Variants in CYP2C19 observed in about 807,000 individuals in gnomAD.
The protein encoded by CYP2C19 is cytochrome P450 2C19.
CYP2C19 carries 59 observed loss-of-function variants against 40.9 expected under a neutral mutation model. The ratio of observed to expected loss-of-function variants is 1.44; its 90% CI spans 1.17 to 1.79. CYP2C19 has a LOEUF of 1.79. Among genes scored for constraint, CYP2C19 ranks in the 40% most tolerant of loss-of-function variants. CYP2C19 has a pLI of 0.00. For synonymous variants in CYP2C19, 253 were observed against 208.7 expected (o/e 1.21, Z -1.83); for missense variants, 754 against 596.9 (o/e 1.26, Z -2.74).
chr10:94,777,298 C>A (rs1308685117), intron 3 of CYP2C19, among the ~76,000 whole-genome samples: 1 of 152,146 alleles, frequency 6.6e-6, no homozygotes, highest in Non-Finnish European at 1.5e-5. Context: ...CTAGAAAAAA[C>A]TACTTTAAAT....
At chr10:94,818,715 G>A (rs2134266589) in intron 5 of CYP2C19, among the ~76,000 whole-genome samples, 1 of 149,670 alleles carries the variant, frequency 6.7e-6, no homozygotes, top group African/African-American at 2.5e-5. Flanking sequence ...GTATAAGAAT[G>A]CTTGTGATTT....
chr10:94,783,755 C>G (rs1564663912), intron 5 of CYP2C19, among the ~76,000 whole-genome samples: 1 of 151,954 alleles, frequency 6.6e-6, no homozygotes, highest in Non-Finnish European at 1.5e-5. Context: ...TTTTGTTGTT[C>G]TTTTTCAATA....
intron 5 of CYP2C19, among the ~76,000 whole-genome samples, chr10:94,783,533 G>C (rs903674365): frequency 6.6e-6 from 1 of 152,080 alleles, no homozygotes; most frequent in Non-Finnish European, 1.5e-5. Flanking sequence ...CACCATTTTT[G>C]AAGAGGCTAT....
At chr10:94,781,479 C>T (rs1848477772) in intron 4 of CYP2C19, among the ~76,000 whole-genome samples, 1 of 152,000 alleles carries the variant, frequency 6.6e-6, no homozygotes, top group South Asian at 2.1e-4. Flanking sequence ...GCTATCATCT[C>T]CAAAATGTTA....
At chr10:94,840,673 A>G (rs1849480569) in intron 6 of CYP2C19, among the ~76,000 whole-genome samples, 1 of 152,168 alleles carries the variant, frequency 6.6e-6, no homozygotes, top group African/African-American at 2.4e-5. Flanking sequence ...GTGAGTAGAG[A>G]CTTCTGGCTG....
rs1489211981 is a variant in CYP2C19, at chr10:94,852,883, C to T, written c.1442C>T (p.Pro481Leu). Residue 481 changes from proline (P) to leucine (L), a missense_variant, in exon 9 of 9, where the codon CCC becomes CTC. Transcript: ENST00000371321. Reference sequence around the variant, plus strand: ...GTCAATGGATTTGCTTCTGTCCCGCCCTTCTATCAGCTGTGCTTCATTCCT... The same window carrying T: ...GTCAATGGATTTGCTTCTGTCCCGCTCTTCTATCAGCTGTGCTTCATTCCT... ...PVVNGFASVP[P>L]FYQLCFIPV is the part of the protein sequence containing the mutation. The T allele has an allele frequency of 1.9e-6, 3 of 1,614,008 alleles. No homozygotes were observed. The highest frequency in any genetic ancestry group is 1.1e-5 in the South Asian group (1 of 91,076).
chr10:94,853,668 C>T lies in CYP2C19; in HGVS notation c.*754C>T, dbSNP rs150921324. On this transcript the variant is annotated 3_prime_UTR_variant, in exon 9 of 9. Transcript: ENST00000371321. ...TCAAGAGATTCTCCTGCCTCAGCCT[C>T]CTGAGTAGCTGGGATTACAGACACG... is the stretch of plus-strand genomic sequence containing the variant. Among the ~76,000 whole-genome samples, 89 of 151,696 alleles carry T rather than the reference C, an allele frequency of 5.9e-4. No homozygotes were observed. The East Asian group carries it at 7.4e-3, about 13-fold the overall frequency.
At chr10:94,826,566 G>T (rs566054687) in intron 6 of CYP2C19, among the ~76,000 whole-genome samples, 1 of 152,160 alleles carries the variant, frequency 6.6e-6, no homozygotes, top group Admixed American at 6.6e-5. Flanking sequence ...GGGCTGAGAT[G>T]ATGGGGTTTT....
At chr10:94,840,807 A>G (rs957767814) in intron 6 of CYP2C19, among the ~76,000 whole-genome samples, 1 of 152,006 alleles carries the variant, frequency 6.6e-6, no homozygotes, top group African/African-American at 2.4e-5. Context: ...AACATTCCCA[A>G]TAGAAGGGTT....
rs893771779 is a variant in CYP2C19, at chr10:94,854,436, C to T, written c.*1522C>T. Among the ~76,000 whole-genome samples, 2 of 151,912 alleles carry T rather than the reference C, an allele frequency of 1.3e-5. No individual in the cohort carries two copies. Reference sequence around the variant, plus strand: ...ATGCTATTGTCCTAATATAATTAGCCTCATGTCATCTCCAAAGCATAGACA... The same window carrying T: ...ATGCTATTGTCCTAATATAATTAGCTTCATGTCATCTCCAAAGCATAGACA... On this transcript the variant is annotated 3_prime_UTR_variant, in exon 9 of 9. Coordinates refer to ENST00000371321, the MANE Select transcript of CYP2C19 (RefSeq NM_000769.4).
At chr10:94,836,435 G>T (rs1185647771) in intron 6 of CYP2C19, among the ~76,000 whole-genome samples, 3 of 152,126 alleles carry the variant, frequency 2.0e-5, no homozygotes, top group African/African-American at 7.2e-5. Context: ...TTGCCCTGTT[G>T]GCAAGCTTAA....
chr10:94,799,339 C>A (rs886860731), intron 5 of CYP2C19, among the ~76,000 whole-genome samples: 4 of 151,668 alleles, frequency 2.6e-5, no homozygotes, highest in African/African-American at 9.7e-5. Context: ...CCCTCACTCT[C>A]TTTTGGCTTG....
intron 6 of CYP2C19, among the ~76,000 whole-genome samples, chr10:94,827,325 T>C (rs1011915651): frequency 3.3e-5 from 5 of 152,104 alleles, no homozygotes; most frequent in African/African-American, 1.2e-4. Flanking sequence ...TATTGATTAT[T>C]GCCACAATTT....
At chr10:94,763,111 C>G (rs748817598) in intron 1 of CYP2C19, among the ~76,000 whole-genome samples, 1 of 152,094 alleles carries the variant, frequency 6.6e-6, no homozygotes, top group Non-Finnish European at 1.5e-5. Context: ...AACAAACTGT[C>G]AATAGTTTGA....
intron 4 of CYP2C19, 112 bp from the exon 5 acceptor site, chr10:94,781,709 T>A: frequency 4.5e-6 from 2 of 444,720 alleles, no homozygotes; most frequent in Non-Finnish European, 3.6e-6. Context: ...CATCAAGATA[T>A]ACAATATATT....
chr10:94,833,729 A>G (rs935585207), intron 6 of CYP2C19, among the ~76,000 whole-genome samples: 2 of 152,252 alleles, frequency 1.3e-5, no homozygotes, highest in Non-Finnish European at 2.9e-5. Flanking sequence ...AATTTTATCA[A>G]ATACTTTTTC....
chr10:94,826,525 C>T (rs894986161), intron 6 of CYP2C19, among the ~76,000 whole-genome samples: 5 of 152,150 alleles, frequency 3.3e-5, no homozygotes, highest in African/African-American at 9.7e-5. Flanking sequence ...TGAGACTTTG[C>T]TGAAGTTGTT....
intron 6 of CYP2C19, among the ~76,000 whole-genome samples, chr10:94,835,968 A>G (rs1034050182): frequency 6.6e-6 from 1 of 152,172 alleles, no homozygotes; most frequent in African/African-American, 2.4e-5. Context: ...TGAAGTCAGG[A>G]TCAGTCAAGG....
At chr10:94,777,415 C>T (rs1848422814) in intron 3 of CYP2C19, among the ~76,000 whole-genome samples, 3 of 152,100 alleles carry the variant, frequency 2.0e-5, no homozygotes, top group South Asian at 2.1e-4. Flanking sequence ...TACAAGGCTA[C>T]AGTAGCCAAA....
Sources: gnomAD v4.1 joint callset for allele counts (sites outside exome capture counted in the v4.1 genomes callset) on GRCh38, gnomAD v4.1.1 for gene constraint, MANE v1.5 for transcripts, NCBI Gene and HGNC (gene_info 2026-07-23, HGNC 2026-07-21) for gene names.